CSMD2: variants seen among roughly 807,000 people sequenced by gnomAD.
The protein encoded by CSMD2 is CUB and sushi domain-containing protein 2.
Under a neutral mutation model 398.5 loss-of-function variants are expected in CSMD2, and 130 were observed. The ratio of observed to expected loss-of-function variants is 0.33; its 90% CI spans 0.28 to 0.38. CSMD2 has a LOEUF of 0.38. CSMD2 is among the 10% of genes least tolerant of loss of function. The pLI, the probability that CSMD2 is intolerant of heterozygous loss-of-function variation, is 1.00. For missense variants in CSMD2, 3,829 were observed against 4,764.9 expected (o/e 0.80, Z 5.78); for synonymous variants, 1,828 against 1,908.5 (o/e 0.96, Z 1.10).
At chr1:33,940,318 C>T (rs866075971) in intron 3 of CSMD2, among the ~76,000 whole-genome samples, 10 of 152,076 alleles carry the variant, frequency 6.6e-5, no homozygotes, top group African/African-American at 2.2e-4. Flanking sequence ...GACCCTGTTC[C>T]AAATGAGGTC....
chr1:33,728,813 C>T (rs1426429629), intron 15 of CSMD2, among the ~76,000 whole-genome samples: 3 of 152,138 alleles, frequency 2.0e-5, no homozygotes, highest in Non-Finnish European at 4.4e-5. Flanking sequence ...GGGATTATTA[C>T]CCCATTTTCA....
At position 33,600,901 on chromosome 1, in the gene CSMD2, C is replaced by T; in HGVS notation, c.6820G>A (p.Ala2274Thr). 1 of 1,614,170 alleles carries T rather than the reference C, an allele frequency of 6.2e-7. No homozygotes were observed. Among genetic ancestry groups the T allele is most frequent in the Non-Finnish European group, 8.5e-7 (1 of 1,180,024 alleles). The change falls in exon 44 of 71, where the codon GCA (alanine) becomes ACA (threonine). Residue 2274 changes from alanine to threonine, a missense_variant. By Grantham distance (58) the Ala-to-Thr change is moderately conservative (BLOSUM62 0). This residue lies in a region of CSMD2 where 723 missense variants were observed against 758.6 expected (regional missense o/e 0.95). Transcript: ENST00000373381. Reference protein sequence around the residue: ...NQVLLKFHRDAATGGIFAIAF... With the variant: ...NQVLLKFHRDTATGGIFAIAF... ...ATGGCGAAGATCCCCCCTGTGGCTG[C>T]ATCACGGTGGAACTTGAGCAGGACC...
chr1:34,078,287 G>A (rs963963402), intron 2 of CSMD2, among the ~76,000 whole-genome samples: 4 of 151,996 alleles, frequency 2.6e-5, no homozygotes, highest in South Asian at 2.1e-4. Flanking sequence ...GCCATGATAC[G>A]TACACATTAC....
intron 14 of CSMD2, among the ~76,000 whole-genome samples, chr1:33,740,637 C>T (rs1647027422): frequency 6.6e-6 from 1 of 152,164 alleles, no homozygotes; most frequent in Non-Finnish European, 1.5e-5. Context: ...TAGGTCAGCC[C>T]AGACTTGAGT....
At chr1:34,095,327 C>A (rs1214642300) in intron 1 of CSMD2, among the ~76,000 whole-genome samples, 2 of 145,334 alleles carry the variant, frequency 1.4e-5, no homozygotes, top group African/African-American at 2.6e-5. Context: ...AAAATTGACA[C>A]CCTAACATCA....
Position 33,540,583 on chromosome 1 carries a change from G to T in CSMD2, c.9573C>A (p.Pro3191=). ...ACLEGYQLSL[P]AVFTCEGNGS... The stretch of plus-strand genomic sequence containing the variant: ...CATTTCCCTCACAGGTGAACACCGC[G>T]GGCAGGGAGAGCTGGTACCCCTCCA... The change falls in exon 60 of 71, where the codon CCC becomes CCA. Residue 3191 remains proline (P), a synonymous_variant. Coordinates refer to ENST00000373381, the MANE Select transcript of CSMD2 (RefSeq NM_001281956.2). The T allele has an allele frequency of 6.2e-7, 1 of 1,614,170 alleles. No homozygotes were observed. The highest frequency in any genetic ancestry group is 1.1e-5 in the South Asian group (1 of 91,080).
Position 33,559,508 on chromosome 1 carries a change from A to ACTATTC in CSMD2, c.8381-41_8381-36dup. On this transcript the variant is annotated intron_variant, in intron 53 of 70. Coordinates refer to ENST00000373381, the MANE Select transcript of CSMD2 (RefSeq NM_001281956.2). The surrounding 1 kb of genome is among the most constrained non-coding windows in gnomAD (Gnocchi z 4.0). ...AAACAGAAGATAGGTAAGCCCTCCT[A>ACTATTC]CTATTCCACACCCCTCAGAATTTAT... 6.6e-7 allele frequency: 1 copy of ACTATTC among 1,523,328 alleles called. No individual in the cohort carries two copies. The highest frequency in any genetic ancestry group is 8.8e-7 in the Non-Finnish European group (1 of 1,136,000). 94.4% of individuals were successfully genotyped at this position (1,523,328 alleles called of 1,614,324 possible).
chr1:33,753,187 T>C (rs1648498440), intron 13 of CSMD2, among the ~76,000 whole-genome samples: 2 of 152,200 alleles, frequency 1.3e-5, no homozygotes, highest in Non-Finnish European at 2.9e-5. Flanking sequence ...AGTGCTAACA[T>C]CCAAGACAAT....
At chr1:33,984,174 G>A (rs1646269317) in intron 3 of CSMD2, among the ~76,000 whole-genome samples, 2 of 151,074 alleles carry the variant, frequency 1.3e-5, no homozygotes, top group African/African-American at 4.9e-5. Context: ...AAAAAAAAAA[G>A]GACAAAATGG....
chr1:33,614,307 C>T (rs1471826521), intron 40 of CSMD2, among the ~76,000 whole-genome samples, 197 bp downstream of exon 40: 1 of 152,020 alleles, frequency 6.6e-6, no homozygotes, highest in Non-Finnish European at 1.5e-5. Flanking sequence ...AGATTTTTCT[C>T]CCCCCTATAT....
At chr1:33,729,314 A>G (rs1339744208) in intron 15 of CSMD2, among the ~76,000 whole-genome samples, 1 of 152,082 alleles carries the variant, frequency 6.6e-6, no homozygotes, top group Non-Finnish European at 1.5e-5. Context: ...TTGCTTCATT[A>G]GTTTGGCTAG....
intron 9 of CSMD2, among the ~76,000 whole-genome samples, chr1:33,816,923 A>C (rs142402203): frequency 8.3e-4 from 126 of 152,320 alleles, no homozygotes; most frequent in South Asian, 6.0e-3. Context: ...TCATATTTTA[A>C]CTGCATTAAA....
At chr1:33,920,490 C>A (rs145007514) in intron 4 of CSMD2, among the ~76,000 whole-genome samples, 1 of 138,128 alleles carries the variant, frequency 7.2e-6, no homozygotes, top group Non-Finnish European at 1.5e-5. Flanking sequence ...TGCAGTGAGC[C>A]GAGATTGTGC....
chr1:33,780,015 C>G (rs985909590), intron 12 of CSMD2, among the ~76,000 whole-genome samples: 1 of 152,040 alleles, frequency 6.6e-6, no homozygotes, highest in African/African-American at 2.4e-5. Flanking sequence ...GTGGGAAGCT[C>G]AAGTGATGAA....
intron 3 of CSMD2, among the ~76,000 whole-genome samples, chr1:33,961,278 G>A (rs537977788): frequency 6.6e-6 from 1 of 152,316 alleles, no homozygotes; most frequent in East Asian, 1.9e-4. Flanking sequence ...CCCAGTTCAA[G>A]ACCAGCCTGA....
At chr1:33,712,129 C>T (rs934536314) in intron 21 of CSMD2, among the ~76,000 whole-genome samples, 2 of 152,176 alleles carry the variant, frequency 1.3e-5, no homozygotes, top group Non-Finnish European at 2.9e-5. Flanking sequence ...GAAGGGGTCT[C>T]GTTAAGGGCA....
intron 11 of CSMD2, among the ~76,000 whole-genome samples, chr1:33,790,657 G>GTCTATCTATCTA (rs766980791): frequency 2.6e-4 from 31 of 120,374 alleles, no homozygotes; most frequent in African/African-American, 1.0e-3. Context: ...TTTGCTGTTT[G>GTCTATCTATCTA]TCTGTCTATC....
intron 25 of CSMD2, among the ~76,000 whole-genome samples, chr1:33,664,358 C>T (rs1304938169): frequency 6.6e-6 from 1 of 152,004 alleles, no homozygotes; most frequent in Admixed American, 6.5e-5. Flanking sequence ...AAAACATCAC[C>T]CTCATTTTTC....
At chr1:33,734,145 G>A (rs1646808669) in intron 15 of CSMD2, among the ~76,000 whole-genome samples, 1 of 152,194 alleles carries the variant, frequency 6.6e-6, no homozygotes, top group Non-Finnish European at 1.5e-5. Flanking sequence ...TTGTGGTCAT[G>A]AGGAGAACTG....
Sources: gnomAD v4.1 joint callset for allele counts (sites outside exome capture counted in the v4.1 genomes callset) on GRCh38, gnomAD v4.1.1 for gene constraint, gnomAD v4.1.1 regional missense constraint, Gnocchi (gnomAD v3.1) non-coding constraint, MANE v1.5 for transcripts, NCBI Gene and HGNC (gene_info 2026-07-23, HGNC 2026-07-21) for gene names.